The following CRISP3 variants were observed in gnomAD, a reference collection of about 807,000 sequenced individuals.
CRISP3 encodes cysteine-rich secretory protein 3.
Under a neutral mutation model 36.1 loss-of-function variants are expected in CRISP3, and 33 were observed. That is an observed-to-expected ratio of 0.91 (90% CI 0.69 to 1.22). The LOEUF (loss-of-function observed/expected upper bound fraction) is 1.22, where lower values mean the gene tolerates loss of function less well. CRISP3 is among the 50% of genes most tolerant of loss of function. The pLI is 0.00. For synonymous variants in CRISP3, 117 were observed against 104.6 expected, an observed-to-expected ratio of 1.12 and a Z score of -0.72; for missense variants, 330 against 301.2, an observed-to-expected ratio of 1.10 and a Z score of -0.71.
chr6:49,741,025 C>G, intron 1 of CRISP3, among the ~76,000 whole-genome samples: 1 of 151,338 alleles, frequency 6.6e-6, no homozygotes, highest in East Asian at 2.0e-4. Flanking sequence ...GGCGTGAACT[C>G]GGGAGGCAGA....
At chr6:49,733,561 C>T (rs1016567405) in intron 5 of CRISP3, 142 bp downstream of exon 5, 3 of 821,584 alleles carry the variant, frequency 3.7e-6, no homozygotes, top group African/African-American at 1.7e-5. Flanking sequence ...CAGTTCACAG[C>T]TGAAATACTC....
At chr6:49,735,747 T>G (rs1394553582) in intron 3 of CRISP3, among the ~76,000 whole-genome samples, 156 bp from the exon 4 acceptor site, 1 of 152,200 alleles carries the variant, frequency 6.6e-6, no homozygotes, top group Non-Finnish European at 1.5e-5. Context: ...ATATTTTTTA[T>G]GTGCTTTTAT....
intron 7 of CRISP3, 139 bp from the exon 8 acceptor site, chr6:49,728,996 A>G (rs1768847737): frequency 3.0e-6 from 2 of 662,064 alleles, no homozygotes; most frequent in Non-Finnish European, 4.8e-6. Context: ...TGGCCATTTT[A>G]TATCTTGAGG....
chr6:49,741,045 G>A (rs960917976), intron 1 of CRISP3, among the ~76,000 whole-genome samples: 2 of 150,646 alleles, frequency 1.3e-5, no homozygotes, highest in African/African-American at 2.4e-5. Flanking sequence ...AGCTTGCAGT[G>A]AGCCGAGATC....
At position 49,727,969 on chromosome 6, in the gene CRISP3, T is replaced by G. The variant is rs991379333; in HGVS notation, c.*761A>C. On this transcript the variant is annotated 3_prime_UTR_variant, in exon 8 of 8. Coordinates refer to ENST00000263045, the MANE Select transcript of CRISP3 (RefSeq NM_006061.4). Reference sequence around the variant, plus strand: ...ACTCCACTCTTTGGAAGTGAGTCACTGATTTTAGTGAAGACTCACAAGGGA... The same window carrying G: ...ACTCCACTCTTTGGAAGTGAGTCACGGATTTTAGTGAAGACTCACAAGGGA... The G allele has an allele frequency of 2.0e-5, 3 of 152,140 alleles. No individual in the cohort carries two copies. Among genetic ancestry groups the G allele is most frequent in the Non-Finnish European group, 4.4e-5 (3 of 67,978 alleles). 9.4% of individuals were successfully genotyped at this position (152,140 alleles called of 1,614,324 possible). A position where few individuals can be genotyped will look rare whatever the true frequency, so the allele number is the denominator to read the frequency against.
chr6:49,744,194 T>C (rs1180376854), intron 1 of CRISP3, 137 bp downstream of exon 1: 3 of 568,978 alleles, frequency 5.3e-6, no homozygotes, highest in East Asian at 3.2e-5. Context: ...ATTACTCTCA[T>C]TAAAAGTTAT....
rs559931738 is a variant in CRISP3 at position 49,736,646 on chromosome 6, A to C, written c.112-139T>G. On this transcript the variant is annotated intron_variant, in intron 2 of 7. Transcript: ENST00000263045. ...AGGTAAACATTGTCAATGACTGCCA[A>C]AGCTATGACTTTTTAATGGAAAAGT... is the stretch of plus-strand genomic sequence containing the variant. The C allele has an allele frequency of 1.4e-5, 10 of 721,758 alleles. No homozygotes were observed. The African/African-American group carries it at 1.4e-4, about 10-fold the overall frequency. 44.7% of individuals were successfully genotyped at this position (721,758 alleles called of 1,614,324 possible).
intron 6 of CRISP3, among the ~76,000 whole-genome samples, chr6:49,732,586 T>G (rs77745275): frequency 3.9e-4 from 59 of 152,322 alleles, no homozygotes; most frequent in African/African-American, 1.4e-3. Context: ...AGGATCTTAA[T>G]GGAAGGTTCC....
At chr6:49,737,944 C>A (rs1050285227) in intron 1 of CRISP3, among the ~76,000 whole-genome samples, 1 of 152,202 alleles carries the variant, frequency 6.6e-6, no homozygotes, top group Non-Finnish European at 1.5e-5. Context: ...AAGTCCTCTA[C>A]GTATATGCTT....
intron 4 of CRISP3, among the ~76,000 whole-genome samples, chr6:49,734,660 A>G (rs774918993): frequency 6.6e-6 from 1 of 152,186 alleles, no homozygotes; most frequent in Non-Finnish European, 1.5e-5. Context: ...CATTTCTTTC[A>G]ATCTTCTCGT....
In CRISP3 at chr6:49,728,658, T is replaced by C; in HGVS notation, c.*72A>G. On this transcript the variant is annotated 3_prime_UTR_variant, in exon 8 of 8. Coordinates refer to ENST00000263045, the MANE Select transcript of CRISP3 (RefSeq NM_006061.4). ...TTTCTCAGCTAGTATATGTTAAATC[T>C]AAGTAGATGCCAAATCTAAGTAGAT... is the stretch of plus-strand genomic sequence containing the variant. The C allele has an allele frequency of 7.5e-7, 1 of 1,341,936 alleles. No individual in the cohort carries two copies. Among genetic ancestry groups the C allele is most frequent in the Non-Finnish European group, 9.9e-7 (1 of 1,010,946 alleles). The allele number at this position is 1,341,936 out of a possible 1,614,324, so 83.1% of individuals were successfully genotyped here.
At chr6:49,733,911 AAC>A (rs756766734) in intron 4 of CRISP3, 63 bp from the exon 5 acceptor site, 431 of 1,380,008 alleles carry the variant, frequency 3.1e-4, no homozygotes, top group Non-Finnish European at 3.5e-4. Flanking sequence ...AATACACACA[AAC>A]ACACACACAC....
Position 49,733,849 on chromosome 6 carries a change from C to T in CRISP3, c.317-1G>A. On this transcript the variant is annotated splice_acceptor_variant, in intron 4 of 7. Coordinates refer to ENST00000263045, the MANE Select transcript of CRISP3 (RefSeq NM_006061.4). LOFTEE classifies it high-confidence loss of function. ...TAGAGATTCTCACCACATTTTAGAC[C>T]TAAGAAGGAACAGACCACTCATGAG... 6 of 1,612,886 alleles carry T rather than the reference C, an allele frequency of 3.7e-6. No individual in the cohort carries two copies. The highest frequency in any genetic ancestry group is 5.1e-6 in the Non-Finnish European group (6 of 1,179,388).
At chr6:49,740,263 A>G (rs778529233) in intron 1 of CRISP3, among the ~76,000 whole-genome samples, 21 of 152,346 alleles carry the variant, frequency 1.4e-4, no homozygotes, top group Non-Finnish European at 2.4e-4. Context: ...TATATCTACA[A>G]AAACTTCTAT....
intron 2 of CRISP3, 62 bp from the exon 3 acceptor site, chr6:49,736,569 C>T (rs1287311770): frequency 1.7e-6 from 2 of 1,176,338 alleles, no homozygotes; most frequent in Admixed American, 1.7e-5. Context: ...ATAATAGTAA[C>T]TATGTTAGTT....
chr6:49,741,883 TATA>T (rs1582200213), intron 1 of CRISP3, among the ~76,000 whole-genome samples: 1 of 147,390 alleles, frequency 6.8e-6, no homozygotes, highest in African/African-American at 2.5e-5. Context: ...TTATGTTATA[TATA>T]ATAATATAAA....
chr6:49,728,932 A>G (rs982683884), intron 7 of CRISP3, 75 bp from the exon 8 acceptor site: 6 of 1,415,118 alleles, frequency 4.2e-6, no homozygotes, highest in African/African-American at 2.8e-5. Context: ...AAAACATTCT[A>G]TATGAACGGA....
chr6:49,734,607 G>T (rs903912371), intron 4 of CRISP3, among the ~76,000 whole-genome samples: 1 of 152,130 alleles, frequency 6.6e-6, no homozygotes, highest in Admixed American at 6.6e-5. Flanking sequence ...GAGAGGGAAA[G>T]AAAGAAGCTA....
intron 2 of CRISP3, 86 bp downstream of exon 2, chr6:49,737,239 C>T (rs1335084034): frequency 5.9e-6 from 6 of 1,025,140 alleles, no homozygotes; most frequent in Non-Finnish European, 9.2e-6. Flanking sequence ...CACTCTAGAC[C>T]TTTTCACTTT....
Sources: allele counts gnomAD v4.1 joint callset (sites outside exome capture counted in the v4.1 genomes callset), GRCh38; gene constraint gnomAD v4.1.1; transcripts MANE v1.5; gene names NCBI Gene and HGNC (gene_info 2026-07-23, HGNC 2026-07-21).